Variants in ADRA1D observed in about 807,000 individuals in gnomAD.
ADRA1D encodes the protein adrenoceptor alpha 1D, also known as alpha-1D adrenergic receptor.
ADRA1D carries 22 observed loss-of-function variants against 18.6 expected under a neutral mutation model. The ratio of observed to expected loss-of-function variants is 1.19; its 90% CI spans 0.85 to 1.69. ADRA1D has a LOEUF of 1.69. ADRA1D is among the 40% of genes most tolerant of loss of function. The pLI is 0.00. For missense variants in ADRA1D, 840 were observed against 840.7 expected (o/e 1.00, Z 0.01); for synonymous variants, 376 against 388.2 (o/e 0.97, Z 0.37).
intron 1 of ADRA1D, among the ~76,000 whole-genome samples, chr20:4,231,064 T>TTCTTTCTC (rs1491147056): frequency 1.0e-5 from 1 of 97,924 alleles, no homozygotes; most frequent in Non-Finnish European, 2.0e-5. Flanking sequence ...CTTTCTTTCT[T>TTCTTTCTC]TCTCTCTCTC....
chr20:4,248,204 C>A lies in ADRA1D; in HGVS notation c.754G>T (p.Ala252Ser). ...DERFCGITEEAGYAVFSSVCS... is the reference protein window; with the variant it reads ...DERFCGITEESGYAVFSSVCS... ...ACGGAGGAGAAGACAGCGTAGCCCG[C>A]CTCCTCGGTGATACCGCAGAAGCGC... The change falls in exon 1 of 2, where the codon GCG becomes TCG. Residue 252 changes from alanine to serine, a missense_variant. Ala to Ser is a moderately conservative substitution (Grantham distance 99, BLOSUM62 1). Coordinates refer to ENST00000379453, the MANE Select transcript of ADRA1D (RefSeq NM_000678.4). 1 of 1,592,648 alleles carries A rather than the reference C, an allele frequency of 6.3e-7. No homozygotes were observed. The highest frequency in any genetic ancestry group is 8.5e-7 in the Non-Finnish European group (1 of 1,169,770).
rs1305160550 is a variant in ADRA1D, at chr20:4,248,450, C to T, written c.508G>A (p.Asp170Asn). ...GFWAFGRAFC[D>N]VWAAVDVLCC... ...AGCACGTCCACGGCGGCCCATACGT[C>T]GCAGAAGGCGCGGCCAAAGGCCCAG... Residue 170 changes from aspartate to asparagine, a missense_variant, in exon 1 of 2, where the codon GAC becomes AAC. Transcript: ENST00000379453. 1 of 1,612,402 alleles carries T rather than the reference C, an allele frequency of 6.2e-7. No homozygotes were observed. Among genetic ancestry groups the T allele is most frequent in the Admixed American group, 1.7e-5 (1 of 59,854 alleles).
chr20:4,230,884 A>C (rs1409485654), intron 1 of ADRA1D, among the ~76,000 whole-genome samples: 1 of 152,078 alleles, frequency 6.6e-6, no homozygotes, highest in African/African-American at 2.4e-5. Context: ...GTGTCTCCCC[A>C]CCCAGCCTGG....
At chr20:4,223,067 C>G (rs1980711835) in intron 1 of ADRA1D, among the ~76,000 whole-genome samples, 1 of 151,590 alleles carries the variant, frequency 6.6e-6, no homozygotes, top group African/African-American at 2.4e-5. Flanking sequence ...TGGGAAATGA[C>G]AGTCATTAGA....
chr20:4,247,823 GC>G (rs779184253), intron 1 of ADRA1D, 23 bp downstream of exon 1: 2 of 1,493,752 alleles, frequency 1.3e-6, no homozygotes, highest in Non-Finnish European at 8.9e-7. Flanking sequence ...AACAGGAGGG[GC>G]CGGTGGGAGA....
Position 4,248,219 on chromosome 20 carries a change from C to T in ADRA1D, c.739G>A (p.Gly247Ser), listed in dbSNP as rs772655459. ...GCGTAGCCCGCCTCCTCGGTGATAC[C>T]GCAGAAGCGCTCGTCAGGGGGCACG... ...EPVPPDERFC[G>S]ITEEAGYAVF... The change falls in exon 1 of 2, where the codon GGT becomes AGT. Residue 247 changes from glycine (G) to serine (S), a missense_variant. Gly to Ser is a moderately conservative substitution (Grantham distance 56). Transcript: ENST00000379453. 65 of 1,598,666 alleles carry T rather than the reference C, an allele frequency of 4.1e-5. No individual in the cohort carries two copies. In the South Asian group the frequency reaches 6.7e-4, roughly 16 times the overall value.
Position 4,221,678 on chromosome 20 carries a change from G to A in ADRA1D, c.1564C>T (p.Arg522Cys), listed in dbSNP as rs764725265. 1.1e-5 allele frequency: 18 copies of A among 1,612,308 alleles called. No homozygotes were observed. The highest frequency in any genetic ancestry group is 1.5e-5 in the Non-Finnish European group (18 of 1,179,598). Residue 522 changes from arginine to cysteine, a missense_variant, in exon 2 of 2, where the codon CGC becomes TGC. By Grantham distance (180) the Arg-to-Cys change is radical (BLOSUM62 -3). Coordinates refer to ENST00000379453, the MANE Select transcript of ADRA1D (RefSeq NM_000678.4). ...TCTGCGCGCTGCGCGCCCCCGGCGC[G>A]GATCTTGTGCGACAGGCTGGAGACT... is the stretch of plus-strand genomic sequence containing the variant. The part of the protein sequence containing the change: ...AKVSSLSHKI[R>C]AGGAQRAEAA...
intron 1 of ADRA1D, among the ~76,000 whole-genome samples, chr20:4,243,234 A>ACGCAGCCCCGC (rs1469525789): frequency 7.2e-5 from 11 of 152,028 alleles, no homozygotes; most frequent in African/African-American, 2.7e-4. Context: ...TGTCCCAACG[A>ACGCAGCCCCGC]CGCAGCCCCG....
chr20:4,242,904 A>G (rs1439547352), intron 1 of ADRA1D, among the ~76,000 whole-genome samples: 1 of 149,572 alleles, frequency 6.7e-6, no homozygotes, highest in Non-Finnish European at 1.5e-5. Context: ...CTCGGCAGAC[A>G]GTCCACCTCT....
intron 1 of ADRA1D, among the ~76,000 whole-genome samples, chr20:4,231,359 T>C (rs1189954376): frequency 1.3e-5 from 2 of 151,502 alleles, no homozygotes; most frequent in Non-Finnish European, 2.9e-5. Context: ...CCTCAAATGA[T>C]CCTCCTGCCT....
At chr20:4,227,696 C>T (rs1366829562) in intron 1 of ADRA1D, among the ~76,000 whole-genome samples, 7 of 30,594 alleles carry the variant, frequency 2.3e-4, no homozygotes, top group East Asian at 1.6e-3. Context: ...CTCTCCCTCC[C>T]TCCCTCCCTC....
chr20:4,221,131 C>G lies in ADRA1D; in HGVS notation c.*392G>C. On this transcript the variant is annotated 3_prime_UTR_variant, in exon 2 of 2. Transcript: ENST00000379453. ...TTCCCTAAGGGAGGCACTGGGGTAG[C>G]CGGCCAAAGCTTCTGTGCCTATTTC... 6.1e-6 allele frequency: 1 copy of G among 164,606 alleles called. No individual in the cohort carries two copies. Among genetic ancestry groups the G allele is most frequent in the East Asian group, 1.7e-4 (1 of 5,844 alleles). 10.2% of individuals were successfully genotyped at this position (164,606 alleles called of 1,614,324 possible).
chr20:4,244,911 A>C (rs1331631843), intron 1 of ADRA1D, among the ~76,000 whole-genome samples: 4 of 152,166 alleles, frequency 2.6e-5, no homozygotes, highest in Non-Finnish European at 5.9e-5. Context: ...GCTCTGAGGC[A>C]CTCGGAAAGG....
At chr20:4,243,115 C>T (rs1428455827) in intron 1 of ADRA1D, among the ~76,000 whole-genome samples, 1 of 152,110 alleles carries the variant, frequency 6.6e-6, no homozygotes, top group Non-Finnish European at 1.5e-5. Context: ...GGATGATCTG[C>T]ATTCTACACA....
At chr20:4,242,548 C>T (rs766725793) in intron 1 of ADRA1D, among the ~76,000 whole-genome samples, 1 of 152,132 alleles carries the variant, frequency 6.6e-6, no homozygotes, top group East Asian at 1.9e-4. Context: ...GGGTGGTCAG[C>T]GACACAGGCA....
chr20:4,240,740 G>A (rs151312338), intron 1 of ADRA1D, among the ~76,000 whole-genome samples: 2,400 of 152,266 alleles, frequency 0.016, 22 homozygotes, highest in Middle Eastern at 0.031. Context: ...GTTGCGGTAA[G>A]CTGAGATTGC....
rs1230079646 is a variant in ADRA1D at position 4,222,304 on chromosome 20, A to T, written c.1112-174T>A. ...ATGAACTTGGATAGAGAAAAATAAT[A>T]ATTGTTTTCACTCACCTCTACCTGA... On this transcript the variant is annotated intron_variant, in intron 1 of 1. Coordinates refer to ENST00000379453, the MANE Select transcript of ADRA1D (RefSeq NM_000678.4). The surrounding 1 kb of genome is among the most constrained non-coding windows in gnomAD (Gnocchi z 4.3). The T allele has an allele frequency of 1.2e-6, 1 of 859,196 alleles. No individual in the cohort carries two copies. Among genetic ancestry groups the T allele is most frequent in the Non-Finnish European group, 1.6e-6 (1 of 606,238 alleles). 53.2% of individuals were successfully genotyped at this position (859,196 alleles called of 1,614,324 possible).
At chr20:4,223,728 C>T (rs1021584562) in intron 1 of ADRA1D, among the ~76,000 whole-genome samples, 1 of 152,186 alleles carries the variant, frequency 6.6e-6, no homozygotes, top group Non-Finnish European at 1.5e-5. Flanking sequence ...TAATAAATTA[C>T]ATGAGATATG....
At position 4,227,759 on chromosome 20, in the gene ADRA1D, C is replaced by CCTTCCTTT. The variant is rs1568763497; in HGVS notation, c.1112-5630_1112-5629insAAAGGAAG. Among the ~76,000 whole-genome samples the CCTTCCTTT allele has an allele frequency of 9.9e-4, 134 of 135,630 alleles. 3 individuals carry two copies. Among genetic ancestry groups the CCTTCCTTT allele is most frequent in the African/African-American group, 3.7e-3 (130 of 35,158 alleles). 89.0% of individuals were successfully genotyped at this position (135,630 alleles called of 152,430 possible). A position where few individuals can be genotyped will look rare whatever the true frequency, so the allele number is the denominator to read the frequency against. On this transcript the variant is annotated intron_variant, in intron 1 of 1. Coordinates refer to ENST00000379453, the MANE Select transcript of ADRA1D (RefSeq NM_000678.4). Reference sequence around the variant, plus strand: ...CCTTCCTTCCTTCCTTCTTCTCTCTCTCTCTTTCTTCTCTTTCTTTCTTTT... The same window carrying CCTTCCTTT: ...CCTTCCTTCCTTCCTTCTTCTCTCTCCTTCCTTTTCTCTTTCTTCTCTTTCTTTCTTTT...
Sources: allele counts gnomAD v4.1 joint callset (sites outside exome capture counted in the v4.1 genomes callset), GRCh38; gene constraint gnomAD v4.1.1; non-coding constraint Gnocchi (gnomAD v3.1); transcripts MANE v1.5; gene names NCBI Gene and HGNC (gene_info 2026-07-23, HGNC 2026-07-21).